The following CLEC10A variants were observed in gnomAD, a reference collection of about 807,000 sequenced individuals.
CLEC10A encodes the protein C-type lectin domain family 10 member A.
In CLEC10A, 38 loss-of-function variants were observed where a neutral mutation model predicts 42.0. The observed-to-expected ratio is 0.90, with a 90% CI of 0.70 to 1.18. CLEC10A has a LOEUF of 1.18. CLEC10A is among the 50% of genes most tolerant of loss of function. The pLI is 0.00. For missense variants in CLEC10A, 298 were observed against 345.9 expected (o/e 0.86, Z 1.10); for synonymous variants, 126 against 139.9 (o/e 0.90, Z 0.70).
chr17:7,076,201 C>T, intron 5 of CLEC10A, 130 bp from the exon 6 acceptor site: 1 of 1,567,866 alleles, frequency 6.4e-7, no homozygotes, highest in Non-Finnish European at 8.7e-7. Flanking sequence ...CCACCCACCC[C>T]CTACATCATG....
At chr17:7,078,574 G>C (rs1911993915) in intron 2 of CLEC10A, 172 bp downstream of exon 2, 2 of 658,084 alleles carry the variant, frequency 3.0e-6, no homozygotes, top group South Asian at 3.6e-5. Flanking sequence ...CCCTGTCCCA[G>C]TCTTTCTAGA....
rs565889789 is a variant in CLEC10A at position 7,076,883 on chromosome 17, C to A, written c.280+9G>T. The A allele has an allele frequency of 2.2e-4, 352 of 1,613,980 alleles. 6 individuals are homozygous for A. In the South Asian group the frequency reaches 3.7e-3, roughly 17 times the overall value. On this transcript the variant is annotated intron_variant, in intron 4 of 8. Coordinates refer to ENST00000416562, the MANE Select transcript of CLEC10A (RefSeq NM_001330070.2). ...CCCCAGCCCAGAGCCCCATCCAAAC[C>A]AGACTCACCCTGGGAAGTCAGTGCC...
rs11653290 is a variant in CLEC10A at position 7,080,210 on chromosome 17, A to C, written c.-232T>G. The C allele has an allele frequency of 0.099, 15,010 of 152,360 alleles. 836 individuals carry two copies. The highest frequency in any genetic ancestry group is 0.15 in the Middle Eastern group (45 of 294). 9.4% of individuals were successfully genotyped at this position (152,360 alleles called of 1,614,324 possible). On this transcript the variant is annotated 5_prime_UTR_variant, in exon 1 of 9. The change abolishes an upstream ATG in the 5' untranslated region. Coordinates refer to ENST00000416562, the MANE Select transcript of CLEC10A (RefSeq NM_001330070.2). ...GGTCTGAAATCCCAGGAGCCCTATC[A>C]TCTGGGACATCCCATCTCCTCAACT...
In CLEC10A at chr17:7,075,118, C is replaced by T. The variant is rs962063260; in HGVS notation, c.806G>A (p.Cys269Tyr). The T allele has an allele frequency of 8.1e-6, 13 of 1,608,058 alleles. No individual in the cohort carries two copies. The highest frequency in any genetic ancestry group is 1.3e-5 in the African/African-American group (1 of 74,498). Residue 269 changes from cysteine (C) to tyrosine (Y), a missense_variant, in exon 9 of 9, where the codon TGC becomes TAC. This residue lies in a region of CLEC10A where 267 missense variants were observed against 289.5 expected (regional missense o/e 0.92). Coordinates refer to ENST00000416562, the MANE Select transcript of CLEC10A (RefSeq NM_001330070.2). ...GCAGACCCAGTGGTAGGGCCTCTGG[C>T]AGACGTCGTCATTCCACCTGCCGTC... ...HPDGRWNDDV[C>Y]QRPYHWVCEA... is the part of the protein sequence containing the mutation.
At chr17:7,076,309 T>TTC (rs1341847830) in intron 5 of CLEC10A, among the ~76,000 whole-genome samples, 20 of 125,934 alleles carry the variant, frequency 1.6e-4, no homozygotes, top group African/African-American at 6.8e-4. Context: ...CTTTCTTTCT[T>TTC]TTTTTTTTTT....
At chr17:7,076,108 C>G (rs1465213064) in intron 5 of CLEC10A, 37 bp from the exon 6 acceptor site, 16 of 1,614,108 alleles carry the variant, frequency 9.9e-6, no homozygotes, top group Non-Finnish European at 1.4e-5. Context: ...GGACAGTGGC[C>G]TAGGTGTGCC....
chr17:7,077,254 C>T (rs978671974), intron 3 of CLEC10A, among the ~76,000 whole-genome samples: 44 of 147,648 alleles, frequency 3.0e-4, no homozygotes, highest in African/African-American at 1.1e-3. Flanking sequence ...CCCCCACCAC[C>T]GTCCCCATCA....
intron 4 of CLEC10A, 34 bp downstream of exon 4, chr17:7,076,857 GC>G: frequency 6.8e-6 from 11 of 1,613,522 alleles, no homozygotes; most frequent in Non-Finnish European, 9.3e-6. Context: ...CCCTGGCCTG[GC>G]CCCAGCCCAG....
intron 3 of CLEC10A, 135 bp from the exon 4 acceptor site, chr17:7,077,122 A>G (rs1911808222): frequency 3.0e-6 from 2 of 660,676 alleles, no homozygotes; most frequent in Non-Finnish European, 5.4e-6. Flanking sequence ...TTATTGTTCA[A>G]TATTGCCGAT....
intron 1 of CLEC10A, 89 bp from the exon 2 acceptor site, chr17:7,078,974 A>G: frequency 1.4e-6 from 1 of 691,958 alleles, no homozygotes; most frequent in East Asian, 2.5e-5. Flanking sequence ...GAATGAGCCC[A>G]GGGTTAAGAC....
rs763810382 is a variant in CLEC10A at position 7,075,828 on chromosome 17, T to A, written c.497A>T (p.Tyr166Phe). 1 of 1,614,150 alleles carries A rather than the reference T, an allele frequency of 6.2e-7. No individual in the cohort carries two copies. The highest frequency in any genetic ancestry group is 1.7e-5 in the Admixed American group (1 of 60,022). Residue 166 changes from tyrosine (Y) to phenylalanine (F), a missense_variant, in exon 7 of 9, where the codon TAC (tyrosine) becomes TTC (phenylalanine). Transcript: ENST00000416562. ...VNWVEHQDSC[Y>F]WFSHSGMSWA... ...GGACATCCCAGAGTGAGAGAACCAG[T>A]AGCAGCTGTCTTGGTGCTCCACCCA...
chr17:7,078,224 G>T, intron 2 of CLEC10A, 111 bp from the exon 3 acceptor site: 1 of 741,008 alleles, frequency 1.3e-6, no homozygotes, highest in East Asian at 2.7e-5. Context: ...GGGACTCCAG[G>T]GGAGGGTTGG....
chr17:7,077,929 G>T, intron 3 of CLEC10A, 68 bp downstream of exon 3: 1 of 1,240,006 alleles, frequency 8.1e-7, no homozygotes, highest in Non-Finnish European at 1.2e-6. Context: ...CTGCCCTACT[G>T]TAGCACCCCA....
chr17:7,076,164 C>T, intron 5 of CLEC10A, 93 bp from the exon 6 acceptor site: 1 of 1,611,962 alleles, frequency 6.2e-7, no homozygotes, highest in South Asian at 1.1e-5. Context: ...TGCACAGGGC[C>T]AAGCCAGGGA....
chr17:7,076,467 C>T (rs1911757036), intron 5 of CLEC10A, among the ~76,000 whole-genome samples: 2 of 151,760 alleles, frequency 1.3e-5, no homozygotes, highest in South Asian at 4.2e-4. Context: ...CCCACCACCA[C>T]ACCCAGCTAT....
chr17:7,075,291 G>T (rs371677191), intron 8 of CLEC10A, 69 bp from the exon 9 acceptor site: 401 of 1,507,114 alleles, frequency 2.7e-4, no homozygotes, highest in South Asian at 1.4e-3. Flanking sequence ...GGGAGGAGAG[G>T]CTGCCAGTCA....
In CLEC10A at chr17:7,075,432, G is replaced by A. The variant is rs1358187733; in HGVS notation, c.629C>T (p.Thr210Ile). ...TTCAGGGTCACTGAGGCCCATCCAG[G>A]TGTATGCGGAGCCTAGATATTTCTG... Reference protein sequence around the residue: ...FVQKYLGSAYTWMGLSDPEGA... With the variant: ...FVQKYLGSAYIWMGLSDPEGA... Residue 210 changes from threonine (T) to isoleucine (I), a missense_variant, in exon 8 of 9, where the codon ACC becomes ATC. By Grantham distance (89) the Thr-to-Ile change is moderately conservative (BLOSUM62 -1). Transcript: ENST00000416562. The A allele has an allele frequency of 6.5e-7, 1 of 1,529,080 alleles. No individual in the cohort carries two copies. The highest frequency in any genetic ancestry group is 1.3e-5 in the South Asian group (1 of 75,388). 94.7% of individuals were successfully genotyped at this position (1,529,080 alleles called of 1,614,324 possible).
chr17:7,077,844 A>G (rs1911935911), intron 3 of CLEC10A, among the ~76,000 whole-genome samples, 153 bp downstream of exon 3: 1 of 136,040 alleles, frequency 7.4e-6, no homozygotes, highest in South Asian at 2.3e-4. Context: ...ACCATGCCCC[A>G]TTGTTATCTC....
At chr17:7,077,413 C>T (rs1194935488) in intron 3 of CLEC10A, among the ~76,000 whole-genome samples, 6 of 135,540 alleles carry the variant, frequency 4.4e-5, no homozygotes, top group African/African-American at 1.6e-4. Flanking sequence ...TCAGTCACCC[C>T]ATCAGTGCTC....
Sources: gnomAD v4.1 joint callset for allele counts (sites outside exome capture counted in the v4.1 genomes callset) on GRCh38, gnomAD v4.1.1 for gene constraint, gnomAD v4.1.1 regional missense constraint, MANE v1.5 for transcripts, NCBI Gene and HGNC (gene_info 2026-07-23, HGNC 2026-07-21) for gene names.